SLC24A4: variants seen among roughly 807,000 people sequenced by gnomAD.
SLC24A4 encodes the protein solute carrier family 24 member 4, also known as sodium/potassium/calcium exchanger 4.
SLC24A4 carries 53 observed loss-of-function variants against 79.0 expected under a neutral mutation model. The ratio of observed to expected loss-of-function variants is 0.67; its 90% CI spans 0.54 to 0.84. The LOEUF is 0.84. Among genes scored for constraint, SLC24A4 ranks in the 40% least tolerant of loss-of-function variants. SLC24A4 has a pLI of 0.00. For missense variants in SLC24A4, 731 were observed against 822.0 expected, an observed-to-expected ratio of 0.89 and a Z score of 1.35; for synonymous variants, 323 against 323.8, an observed-to-expected ratio of 1.00 and a Z score of 0.03.
Position 92,323,783 on chromosome 14 carries a change from G to C in SLC24A4, c.-48G>C. On this transcript the variant is annotated 5_prime_UTR_variant, in exon 1 of 17. Coordinates refer to ENST00000532405, the MANE Select transcript of SLC24A4 (RefSeq NM_153646.4). The surrounding 1 kb of genome is among the most constrained non-coding windows in gnomAD (Gnocchi z 4.9). ...CTCGGCCACTGATTGCACTCTGGCCGCTGAAGCTCCCCATCCTCTCCCAGA... is the reference window on the plus strand; with the variant it reads ...CTCGGCCACTGATTGCACTCTGGCCCCTGAAGCTCCCCATCCTCTCCCAGA... 1 of 1,525,966 alleles carries C rather than the reference G, an allele frequency of 6.6e-7. No individual in the cohort carries two copies. Among genetic ancestry groups the C allele is most frequent in the East Asian group, 2.4e-5 (1 of 41,020 alleles). 94.5% of individuals were successfully genotyped at this position (1,525,966 alleles called of 1,614,324 possible). A position where few individuals can be genotyped will look rare whatever the true frequency, so the allele number is the denominator to read the frequency against.
chr14:92,486,898 C>T, intron 14 of SLC24A4, 118 bp downstream of exon 14: 1 of 643,102 alleles, frequency 1.6e-6, no homozygotes, highest in South Asian at 2.0e-5. Context: ...TCAAGTCCTG[C>T]TGTGGAGAAA....
intron 12 of SLC24A4, among the ~76,000 whole-genome samples, chr14:92,473,717 T>A (rs1438578108): frequency 2.0e-5 from 3 of 152,174 alleles, no homozygotes; most frequent in Non-Finnish European, 4.4e-5. Context: ...TGTCCCTGAT[T>A]CATCTCCTGA....
chr14:92,419,615 CT>C (rs1891169948), intron 2 of SLC24A4, among the ~76,000 whole-genome samples: 1 of 152,150 alleles, frequency 6.6e-6, no homozygotes, highest in Non-Finnish European at 1.5e-5. Context: ...AACTGTGACA[CT>C]TTTGATAGAA....
chr14:92,361,361 GA>G (rs1887510934), intron 2 of SLC24A4, among the ~76,000 whole-genome samples: 2 of 151,822 alleles, frequency 1.3e-5, no homozygotes, highest in African/African-American at 4.8e-5. Context: ...GCAAGGTTGG[GA>G]AGGGAGGGGC....
chr14:92,452,964 G>A (rs1355083299), intron 10 of SLC24A4: 1 of 152,216 alleles, frequency 6.6e-6, no homozygotes, highest in African/African-American at 2.4e-5. Context: ...CAGTGCAGAG[G>A]GACAGTCCTA....
chr14:92,481,943 T>A (rs543624040), intron 12 of SLC24A4, among the ~76,000 whole-genome samples: 28 of 152,354 alleles, frequency 1.8e-4, no homozygotes, highest in African/African-American at 6.5e-4. Context: ...TTATGAGGCC[T>A]CTTTTCCTCC....
intron 7 of SLC24A4, among the ~76,000 whole-genome samples, chr14:92,444,670 C>T (rs1315979593): frequency 6.6e-6 from 1 of 152,120 alleles, no homozygotes. Flanking sequence ...GCCTGGCCAA[C>T]ATGGTGAAAC....
chr14:92,349,367 C>T (rs1461328729), intron 2 of SLC24A4, among the ~76,000 whole-genome samples: 2 of 152,196 alleles, frequency 1.3e-5, no homozygotes, highest in African/African-American at 4.8e-5. Context: ...GCCATGTTCA[C>T]CAGGCTGGTC....
chr14:92,423,420 A>G (rs1413892344), intron 2 of SLC24A4, among the ~76,000 whole-genome samples: 4 of 152,180 alleles, frequency 2.6e-5, no homozygotes, highest in African/African-American at 7.2e-5. Context: ...GCGGCCTCCT[A>G]AAGTGCTGGG....
intron 2 of SLC24A4, among the ~76,000 whole-genome samples, chr14:92,365,686 C>T (rs972909620): frequency 4.6e-5 from 7 of 152,178 alleles, no homozygotes; most frequent in Admixed American, 4.6e-4. Flanking sequence ...GACACTGAGG[C>T]CCCCAAGCAG....
chr14:92,395,688 A>C (rs1566737494), intron 2 of SLC24A4, among the ~76,000 whole-genome samples: 1 of 152,218 alleles, frequency 6.6e-6, no homozygotes, highest in Non-Finnish European at 1.5e-5. Context: ...TCAGTCAAGG[A>C]CAACACTGCC....
rs372011438 is a variant in SLC24A4 at position 92,456,571 on chromosome 14, G to A, written c.1218G>A (p.Pro406=). The A allele has an allele frequency of 5.9e-5, 96 of 1,613,930 alleles. No homozygotes were observed. The highest frequency in any genetic ancestry group is 7.0e-5 in the Non-Finnish European group (83 of 1,179,944). The change falls in exon 12 of 17, where the codon CCG becomes CCA. Residue 406 remains proline (P), a synonymous_variant. Coordinates refer to ENST00000532405, the MANE Select transcript of SLC24A4 (RefSeq NM_153646.4). ...PPQPPPPEPE[P]VEADFLSPFS... is the part of the protein sequence containing the mutation. Reference sequence around the variant, plus strand: ...AGCCACCACCGCCAGAGCCAGAGCCGGTGGAGGCTGACTTCCTGTCCCCCT... The same window carrying A: ...AGCCACCACCGCCAGAGCCAGAGCCAGTGGAGGCTGACTTCCTGTCCCCCT...
intron 16 of SLC24A4, chr14:92,492,702 C>T (rs1012330636): frequency 7.9e-6 from 3 of 379,440 alleles, no homozygotes; most frequent in African/African-American, 6.3e-5. Flanking sequence ...GCTATCATTC[C>T]CATTGCAGAA....
At chr14:92,411,893 A>C (rs940792783) in intron 2 of SLC24A4, among the ~76,000 whole-genome samples, 1 of 152,216 alleles carries the variant, frequency 6.6e-6, no homozygotes, top group Non-Finnish European at 1.5e-5. Flanking sequence ...GGCATGTTCT[A>C]ACAGTTGCTG....
At chr14:92,361,188 C>T (rs1161373039) in intron 2 of SLC24A4, among the ~76,000 whole-genome samples, 2 of 150,628 alleles carry the variant, frequency 1.3e-5, no homozygotes, top group East Asian at 1.9e-4. Flanking sequence ...TTTCTCATCT[C>T]GAGGATGTTG....
At chr14:92,357,240 T>C (rs1333638948) in intron 2 of SLC24A4, among the ~76,000 whole-genome samples, 1 of 152,126 alleles carries the variant, frequency 6.6e-6, no homozygotes, top group Non-Finnish European at 1.5e-5. Flanking sequence ...ACTTCCAAAG[T>C]CAGTACAGAC....
At chr14:92,378,676 G>A (rs1888655844) in intron 2 of SLC24A4, among the ~76,000 whole-genome samples, 1 of 152,172 alleles carries the variant, frequency 6.6e-6, no homozygotes, top group African/African-American at 2.4e-5. Flanking sequence ...CTCTCTTACT[G>A]ATATCTTTTG....
At position 92,482,792 on chromosome 14, in the gene SLC24A4, C is replaced by T. The variant is rs532733678; in HGVS notation, c.1368C>T (p.Thr456=). Residue 456 remains threonine, a synonymous_variant, in exon 13 of 17, where the codon ACC becomes ACT. Transcript: ENST00000532405. ...KPRWEKFFMV[T]FITATLWIAV... is the part of the protein sequence containing the mutation. ...GCTGGGAGAAGTTCTTCATGGTCACCTTCATCACCGCCACGCTGTGGATCG... is the reference window on the plus strand; with the variant it reads ...GCTGGGAGAAGTTCTTCATGGTCACTTTCATCACCGCCACGCTGTGGATCG... 4 of 1,614,104 alleles carry T rather than the reference C, an allele frequency of 2.5e-6. No homozygotes were observed. Among genetic ancestry groups the T allele is most frequent in the Middle Eastern group, 1.6e-4 (1 of 6,062 alleles).
In SLC24A4 at chr14:92,433,953, C is replaced by T. The variant is rs774668339; in HGVS notation, c.283C>T (p.Arg95Ter). 2.5e-6 allele frequency: 4 copies of T among 1,614,186 alleles called. No individual in the cohort carries two copies. In the South Asian group the frequency reaches 3.3e-5, roughly 13 times the overall value. Residue 95 changes from arginine to a stop codon, truncating the protein, a stop_gained, in exon 3 of 17, where the codon CGA becomes TGA. Transcript: ENST00000532405. LOFTEE classifies it high-confidence loss of function. ...FPTDLFSNKERQHGAVLLHIL... is the reference protein window; with the variant it reads ...FPTDLFSNKE ...CACAGATCTGTTCTCCAATAAGGAG[C>T]GACAGCACGGAGCCGTCCTGCTGCA...
Sources: allele counts gnomAD v4.1 joint callset (sites outside exome capture counted in the v4.1 genomes callset), GRCh38; gene constraint gnomAD v4.1.1; non-coding constraint Gnocchi (gnomAD v3.1); transcripts MANE v1.5; gene names NCBI Gene and HGNC (gene_info 2026-07-23, HGNC 2026-07-21).